Variants in TASP1 observed in about 807,000 individuals in gnomAD.
The protein encoded by TASP1 is taspase 1.
A neutral mutation model predicts 56.6 loss-of-function variants in TASP1; 16 were observed. The ratio of observed to expected loss-of-function variants is 0.28; its 90% CI spans 0.19 to 0.43. The LOEUF (loss-of-function observed/expected upper bound fraction) is 0.43, where lower values mean the gene tolerates loss of function less well. Among genes scored for constraint, TASP1 ranks in the 20% least tolerant of loss-of-function variants. The pLI, the probability that TASP1 is intolerant of heterozygous loss-of-function variation, is 1.00. For missense variants in TASP1, 393 were observed against 511.6 expected (o/e 0.77, Z 2.24); for synonymous variants, 179 against 184.2 (o/e 0.97, Z 0.23).
chr20:13,198,875 TTTCC>T, the TASP1 span, among the ~76,000 whole-genome samples: 27 of 144,216 alleles, frequency 1.9e-4, no homozygotes, highest in Non-Finnish European at 2.9e-4. Flanking sequence ...TCCTTCCTTC[TTTCC>T]TTCCTTCCTT....
At chr20:13,378,361 A>G in the TASP1 span, among the ~76,000 whole-genome samples, 1 of 152,222 alleles carries the variant, frequency 6.6e-6, no homozygotes, top group Non-Finnish European at 1.5e-5. Context: ...CAGGTTGTTC[A>G]GCTTCCATGT....
chr20:13,118,320 C>T, the TASP1 span, among the ~76,000 whole-genome samples: 1 of 151,672 alleles, frequency 6.6e-6, no homozygotes. Context: ...TTGCATACAC[C>T]ATAGGTCAAA....
chr20:13,515,038 T>G (rs1386708161), intron 10 of TASP1, among the ~76,000 whole-genome samples: 1 of 152,168 alleles, frequency 6.6e-6, no homozygotes. Context: ...ATAAATACAT[T>G]TGATTCAGCA....
chr20:13,564,750 C>T (rs955710686), intron 7 of TASP1, among the ~76,000 whole-genome samples: 3 of 151,850 alleles, frequency 2.0e-5, no homozygotes, highest in Non-Finnish European at 4.4e-5. Flanking sequence ...ACCTGTAATC[C>T]CAGCACTTTG....
At chr20:13,332,409 T>A in the TASP1 span, among the ~76,000 whole-genome samples, 1 of 152,230 alleles carries the variant, frequency 6.6e-6, no homozygotes, top group African/African-American at 2.4e-5. Context: ...AAACTTAAAT[T>A]ATAATTTTAA....
chr20:13,138,308 C>CAGAA, the TASP1 span, among the ~76,000 whole-genome samples: 35 of 152,270 alleles, frequency 2.3e-4, no homozygotes, highest in African/African-American at 8.4e-4. Context: ...CTGCAGGCAG[C>CAGAA]TTTTCCTCTA....
At chr20:13,221,851 C>T in the TASP1 span, 2 of 1,440,116 alleles carry the variant, frequency 1.4e-6, no homozygotes, top group South Asian at 1.4e-5. Context: ...CCGTGCTGCG[C>T]GGCTCGGGAG....
chr20:13,265,239 G>A, the TASP1 span, among the ~76,000 whole-genome samples: 1 of 152,186 alleles, frequency 6.6e-6, no homozygotes, highest in East Asian at 1.9e-4. Context: ...CTCTTAACCT[G>A]ATGCATCTGC....
At chr20:13,160,131 C>A in the TASP1 span, 1 of 1,613,786 alleles carries the variant, frequency 6.2e-7, no homozygotes, top group Non-Finnish European at 8.5e-7. Flanking sequence ...ATGTTAGACA[C>A]GGTGAGTACA....
intron 9 of TASP1, among the ~76,000 whole-genome samples, chr20:13,532,221 C>T (rs1458364154): frequency 6.6e-6 from 1 of 152,184 alleles, no homozygotes; most frequent in Non-Finnish European, 1.5e-5. Flanking sequence ...TTACCATTCA[C>T]CATCTGCACT....
chr20:13,409,864 A>T (rs2042040785), intron 13 of TASP1, among the ~76,000 whole-genome samples: 1 of 152,176 alleles, frequency 6.6e-6, no homozygotes, highest in Non-Finnish European at 1.5e-5. Context: ...AGCTACTGGA[A>T]ATATATAATA....
the TASP1 span, among the ~76,000 whole-genome samples, chr20:13,110,738 C>T: frequency 6.6e-6 from 1 of 152,126 alleles, no homozygotes; most frequent in Admixed American, 6.5e-5. Context: ...GTTCCAGAGC[C>T]AGCGGGTAGG....
chr20:13,318,823 GC>G, the TASP1 span, among the ~76,000 whole-genome samples: 1 of 152,164 alleles, frequency 6.6e-6, no homozygotes, highest in Non-Finnish European at 1.5e-5. Flanking sequence ...TCTAGAAAAG[GC>G]AAAACTATGA....
At chr20:13,164,777 G>A in the TASP1 span, 2 of 1,613,674 alleles carry the variant, frequency 1.2e-6, no homozygotes, top group South Asian at 2.2e-5. Flanking sequence ...TTGATGAAAT[G>A]GGTGATCTCT....
intron 10 of TASP1, among the ~76,000 whole-genome samples, chr20:13,484,210 G>A (rs185164465): frequency 2.0e-5 from 3 of 152,312 alleles, no homozygotes; most frequent in Non-Finnish European, 2.9e-5. Flanking sequence ...CTGTTGGTGG[G>A]AGTGTAAATT....
chr20:13,164,384 C>A, the TASP1 span: 1 of 474,474 alleles, frequency 2.1e-6, no homozygotes, highest in Admixed American at 2.3e-5. Flanking sequence ...GAAGATATAA[C>A]TTCAAATGCA....
At chr20:13,410,405 T>C (rs1391280816) in intron 13 of TASP1, among the ~76,000 whole-genome samples, 1 of 152,170 alleles carries the variant, frequency 6.6e-6, no homozygotes, top group Non-Finnish European at 1.5e-5. Flanking sequence ...GAAATCTCCA[T>C]ATTGTTTCCC....
At chr20:13,537,740 A>G (rs913493756) in intron 8 of TASP1, among the ~76,000 whole-genome samples, 1 of 152,230 alleles carries the variant, frequency 6.6e-6, no homozygotes, top group African/African-American at 2.4e-5. Flanking sequence ...GCATGTATAT[A>G]AAGTTAGCAT....
intron 12 of TASP1, among the ~76,000 whole-genome samples, chr20:13,427,375 A>G (rs1487272015): frequency 2.0e-5 from 3 of 152,262 alleles, no homozygotes; most frequent in Admixed American, 6.5e-5. Context: ...GGAGGAAAAT[A>G]CTGCATTTGA....
Sources: allele counts gnomAD v4.1 joint callset (sites outside exome capture counted in the v4.1 genomes callset), GRCh38; gene constraint gnomAD v4.1.1; transcripts MANE v1.5; gene names NCBI Gene and HGNC (gene_info 2026-07-23, HGNC 2026-07-21).